The following SLC13A1 variants were observed in gnomAD, a reference collection of about 807,000 sequenced individuals.
The protein encoded by SLC13A1 is Na(+)/sulfate cotransporter.
A neutral mutation model predicts 70.0 loss-of-function variants in SLC13A1; 65 were observed. The ratio of observed to expected loss-of-function variants is 0.93; its 90% CI spans 0.76 to 1.14. The LOEUF (loss-of-function observed/expected upper bound fraction) is 1.14. SLC13A1 is among the 50% of genes most tolerant of loss of function. The pLI, the probability that SLC13A1 is intolerant of heterozygous loss-of-function variation, is 0.00. For synonymous variants in SLC13A1, 275 were observed against 250.5 expected, an observed-to-expected ratio of 1.10 and a Z score of -0.92; for missense variants, 726 against 717.8, an observed-to-expected ratio of 1.01 and a Z score of -0.13.
intron 8 of SLC13A1, among the ~76,000 whole-genome samples, chr7:123,133,396 T>C (rs896987875): frequency 1.3e-5 from 2 of 150,750 alleles, no homozygotes; most frequent in Non-Finnish European, 2.9e-5. Flanking sequence ...ATCTCCACAT[T>C]AAACCAAGTG....
intron 1 of SLC13A1, among the ~76,000 whole-genome samples, chr7:123,184,028 T>C (rs938570691): frequency 6.6e-6 from 1 of 152,132 alleles, no homozygotes; most frequent in Non-Finnish European, 1.5e-5. Context: ...ATAGCTGCCT[T>C]CCCAGAATTT....
chr7:123,159,613 A>C (rs2116489205), intron 6 of SLC13A1, among the ~76,000 whole-genome samples: 1 of 152,320 alleles, frequency 6.6e-6, no homozygotes, highest in Admixed American at 6.5e-5. Flanking sequence ...CTAACAATAT[A>C]GAAAATGATT....
At chr7:123,179,598 C>T (rs761673852) in intron 2 of SLC13A1, among the ~76,000 whole-genome samples, 8 of 152,110 alleles carry the variant, frequency 5.3e-5, no homozygotes, top group African/African-American at 1.7e-4. Context: ...AAGAGGCAGA[C>T]GTATATATCC....
chr7:123,126,126 T>A lies in SLC13A1; in HGVS notation c.1134-451A>T, dbSNP rs1585293573. ...AAATTGTGGCAAGGCGTGATATTTC[T>A]GTGTTCCTCTAAAGCTCTTCTATAA... On this transcript the variant is annotated intron_variant, in intron 10 of 14. Coordinates refer to ENST00000194130, the MANE Select transcript of SLC13A1 (RefSeq NM_022444.4). Among the ~76,000 whole-genome samples, 3 of 152,364 alleles carry A rather than the reference T, an allele frequency of 2.0e-5. No homozygotes were observed. The East Asian group carries it at 5.8e-4, about 29-fold the overall frequency.
intron 2 of SLC13A1, among the ~76,000 whole-genome samples, chr7:123,178,909 C>G (rs1795546895): frequency 6.6e-6 from 1 of 152,128 alleles, no homozygotes; most frequent in Non-Finnish European, 1.5e-5. Flanking sequence ...GATCTATTCA[C>G]TTTTGTGAAT....
intron 8 of SLC13A1, among the ~76,000 whole-genome samples, chr7:123,133,428 C>A (rs114470874): frequency 6.7e-6 from 1 of 150,298 alleles, no homozygotes; most frequent in African/African-American, 2.5e-5. Context: ...CTTAAAATTC[C>A]CCTTTAACAA....
At chr7:123,139,300 C>G (rs1027194537) in intron 7 of SLC13A1, among the ~76,000 whole-genome samples, 1 of 152,056 alleles carries the variant, frequency 6.6e-6, no homozygotes, top group Admixed American at 6.6e-5. Context: ...CAGTACCATG[C>G]TGTCTTGATT....
At chr7:123,118,899 AAC>A (rs1372034709) in intron 13 of SLC13A1, among the ~76,000 whole-genome samples, 180 bp downstream of exon 13, 2 of 152,098 alleles carry the variant, frequency 1.3e-5, no homozygotes, top group Non-Finnish European at 2.9e-5. Flanking sequence ...AAAACTTAAA[AAC>A]AGTTACCTAG....
chr7:123,153,503 G>A (rs572425272), intron 6 of SLC13A1, among the ~76,000 whole-genome samples: 12 of 151,888 alleles, frequency 7.9e-5, no homozygotes, highest in Non-Finnish European at 1.3e-4. Context: ...GCTTGTGTTC[G>A]CTGGGCTGAA....
chr7:123,170,439 C>A (rs1272707610), intron 3 of SLC13A1, among the ~76,000 whole-genome samples: 1 of 152,152 alleles, frequency 6.6e-6, no homozygotes, highest in South Asian at 2.1e-4. Context: ...GGTGAAAATG[C>A]CTTAAATTGA....
chr7:123,182,379 G>A (rs977601484), intron 1 of SLC13A1, among the ~76,000 whole-genome samples: 1 of 152,034 alleles, frequency 6.6e-6, no homozygotes, highest in Non-Finnish European at 1.5e-5. Flanking sequence ...GAGATAAAAT[G>A]GACCACTTTT....
chr7:123,127,285 A>G (rs1440455533), intron 10 of SLC13A1, among the ~76,000 whole-genome samples: 1 of 152,128 alleles, frequency 6.6e-6, no homozygotes, highest in African/African-American at 2.4e-5. Context: ...TAGCCAATAC[A>G]CTGCTTTCCT....
At chr7:123,161,232 A>G (rs1469548808) in intron 6 of SLC13A1, among the ~76,000 whole-genome samples, 2 of 150,830 alleles carry the variant, frequency 1.3e-5, no homozygotes, top group African/African-American at 2.4e-5. Context: ...TTTACATTAA[A>G]AAAGACTTAA....
intron 7 of SLC13A1, among the ~76,000 whole-genome samples, chr7:123,136,811 GA>G (rs540187490): frequency 1.0e-3 from 155 of 152,270 alleles, no homozygotes; most frequent in African/African-American, 3.7e-3. Flanking sequence ...TGCCATCAGA[GA>G]AGGTAACATT....
chr7:123,178,340 G>T (rs954924504), intron 2 of SLC13A1, among the ~76,000 whole-genome samples: 1 of 152,062 alleles, frequency 6.6e-6, no homozygotes. Flanking sequence ...TTAGATGAGG[G>T]CATTAATGAC....
At chr7:123,136,225 A>C (rs889534187) in intron 7 of SLC13A1, among the ~76,000 whole-genome samples, 1 of 152,226 alleles carries the variant, frequency 6.6e-6, no homozygotes, top group Non-Finnish European at 1.5e-5. Context: ...AATGTATTTG[A>C]CTGAAGATGG....
intron 7 of SLC13A1, among the ~76,000 whole-genome samples, chr7:123,146,846 A>T (rs1312139115): frequency 7.4e-6 from 1 of 134,810 alleles, no homozygotes; most frequent in Non-Finnish European, 1.6e-5. Context: ...ATTCCTTTTC[A>T]CTTTAGTTAA....
chr7:123,136,226 C>T (rs745839374), intron 7 of SLC13A1, among the ~76,000 whole-genome samples: 5 of 152,148 alleles, frequency 3.3e-5, no homozygotes, highest in African/African-American at 4.8e-5. Context: ...ATGTATTTGA[C>T]TGAAGATGGG....
intron 1 of SLC13A1, among the ~76,000 whole-genome samples, chr7:123,189,359 T>G (rs1047288251): frequency 1.3e-5 from 2 of 152,036 alleles, no homozygotes; most frequent in African/African-American, 4.8e-5. Context: ...CACATAAGCT[T>G]CTGGTCTCTT....
Sources: gnomAD v4.1 joint callset for allele counts (sites outside exome capture counted in the v4.1 genomes callset) on GRCh38, gnomAD v4.1.1 for gene constraint, MANE v1.5 for transcripts, NCBI Gene and HGNC (gene_info 2026-07-23, HGNC 2026-07-21) for gene names.